Variants in ZFC3H1 observed in about 807,000 individuals in gnomAD.
ZFC3H1 encodes zinc finger C3H1 domain-containing protein.
Under a neutral mutation model 243.7 loss-of-function variants are expected in ZFC3H1, and 71 were observed. The ratio of observed to expected loss-of-function variants is 0.29; its 90% CI spans 0.24 to 0.36. ZFC3H1 has a LOEUF of 0.36. Among genes scored for constraint, ZFC3H1 ranks in the 10% least tolerant of loss-of-function variants. ZFC3H1 has a pLI of 1.00. For missense variants in ZFC3H1, 1,966 were observed against 2,317.1 expected (o/e 0.85, Z 3.11); for synonymous variants, 838 against 813.0 (o/e 1.03, Z -0.52).
At chr12:71,642,603 T>C in intron 5 of ZFC3H1, 44 bp from the exon 6 acceptor site, 1 of 1,570,860 alleles carries the variant, frequency 6.4e-7, no homozygotes, top group Non-Finnish European at 8.6e-7. Flanking sequence ...TTTTCTGTCT[T>C]GGGTTACAAA....
At chr12:71,615,954 A>T (rs953053660) in intron 27 of ZFC3H1, among the ~76,000 whole-genome samples, 1 of 152,214 alleles carries the variant, frequency 6.6e-6, no homozygotes, top group Non-Finnish European at 1.5e-5. Flanking sequence ...TCTACCAAGT[A>T]TCTGAAATTT....
chr12:71,634,090 T>C, intron 12 of ZFC3H1, 65 bp downstream of exon 12: 1 of 1,496,230 alleles, frequency 6.7e-7, no homozygotes, highest in Non-Finnish European at 9.0e-7. Flanking sequence ...ATTAATAACA[T>C]ACACCACAAA....
At chr12:71,639,225 C>T (rs1238369023) in intron 6 of ZFC3H1, 1 of 153,494 alleles carries the variant, frequency 6.5e-6, no homozygotes, top group Non-Finnish European at 1.4e-5. Context: ...ACTATATAAT[C>T]AGAGAAAATC....
chr12:71,647,924 C>T, intron 2 of ZFC3H1, 111 bp from the exon 3 acceptor site: 1 of 415,828 alleles, frequency 2.4e-6, no homozygotes, highest in South Asian at 5.1e-5. Context: ...ATTAAAGGGT[C>T]TCATTTTCTC....
At chr12:71,619,597 A>T (rs764784465) in intron 26 of ZFC3H1, among the ~76,000 whole-genome samples, 188 bp from the exon 27 acceptor site, 14 of 152,220 alleles carry the variant, frequency 9.2e-5, no homozygotes, top group Non-Finnish European at 1.0e-4. Context: ...ATTAAGTTCA[A>T]CTAATGATTA....
At chr12:71,615,176 T>G in intron 28 of ZFC3H1, 30 bp downstream of exon 28, 2 of 1,506,278 alleles carry the variant, frequency 1.3e-6, no homozygotes, top group Admixed American at 1.8e-5. Flanking sequence ...AGGCCTAGTA[T>G]GCAATATCTC....
rs982348200 is a variant in ZFC3H1 at position 71,633,020 on chromosome 12, G to A, written c.2686-3C>T. 3 of 1,589,018 alleles carry A rather than the reference G, an allele frequency of 1.9e-6. No individual in the cohort carries two copies. Among genetic ancestry groups the A allele is most frequent in the East Asian group, 2.3e-5 (1 of 44,304 alleles). On this transcript the variant is annotated splice_region_variant and splice_polypyrimidine_tract_variant and intron_variant, in intron 13 of 34. Transcript: ENST00000378743. ...ACACGCTGTTGAACTCTGTGAATCT[G>A]AAAAATATAGAATAATCCTGAAAAT...
chr12:71,632,811 T>C (rs542446550), intron 14 of ZFC3H1, 75 bp downstream of exon 14: 100 of 1,558,892 alleles, frequency 6.4e-5, no homozygotes, highest in Non-Finnish European at 8.3e-5. Flanking sequence ...TTACTTTATA[T>C]ATACATCTTA....
At chr12:71,646,124 TACTA>T (rs1171854095) in intron 3 of ZFC3H1, among the ~76,000 whole-genome samples, 3 of 152,338 alleles carry the variant, frequency 2.0e-5, no homozygotes, top group Middle Eastern at 3.4e-3. Flanking sequence ...AAACAGTGGA[TACTA>T]ACTAATGATT....
chr12:71,621,590 G>C (rs1400788001), intron 24 of ZFC3H1, among the ~76,000 whole-genome samples: 1 of 152,018 alleles, frequency 6.6e-6, no homozygotes, highest in South Asian at 2.1e-4. Flanking sequence ...ACAGATGTGA[G>C]GCACCACGCA....
chr12:71,660,669 C>T (rs571975498), intron 1 of ZFC3H1, among the ~76,000 whole-genome samples: 1 of 152,208 alleles, frequency 6.6e-6, no homozygotes, highest in Non-Finnish European at 1.5e-5. Flanking sequence ...TCCCCCTTTT[C>T]TAATACAGAA....
Position 71,620,014 on chromosome 12 carries a change from T to C in ZFC3H1, c.4961A>G (p.Lys1654Arg), listed in dbSNP as rs142055199. ...TGCAGTAAGCCACACTGCTCTGGCT[T>C]TGTCATGCTGATTTGTTTGCAAATA... ...ALYLQTNQHD[K>R]ARAVWLTAFE... Residue 1654 changes from lysine (K) to arginine (R), a missense_variant, in exon 26 of 35, where the codon AAA (lysine) becomes AGA (arginine). Transcript: ENST00000378743. 1.4e-5 allele frequency: 22 copies of C among 1,613,696 alleles called. 1 individual carries two copies. In the African/African-American group the frequency reaches 2.4e-4, roughly 18 times the overall value.
rs1297965222 is a variant in ZFC3H1, at chr12:71,663,203, C to A, written c.408G>T (p.Arg136=). 4 of 1,614,082 alleles carry A rather than the reference C, an allele frequency of 2.5e-6. No homozygotes were observed. Among genetic ancestry groups the A allele is most frequent in the Non-Finnish European group, 2.5e-6 (3 of 1,180,034 alleles). Residue 136 remains arginine, a synonymous_variant, in exon 1 of 35, where the codon CGG becomes CGT. Coordinates refer to ENST00000378743, the MANE Select transcript of ZFC3H1 (RefSeq NM_144982.5). ...GGAAACGGTCCAAGGCGAGGTGGCTCCGCTCCCAGAAAGACGGCCGGGGAC... is the reference window on the plus strand; with the variant it reads ...GGAAACGGTCCAAGGCGAGGTGGCTACGCTCCCAGAAAGACGGCCGGGGAC... The part of the protein sequence containing the change: ...ESSPRPSFWE[R]SHLALDRFRF...
chr12:71,640,482 G>A (rs2137544192), intron 6 of ZFC3H1, among the ~76,000 whole-genome samples: 1 of 152,386 alleles, frequency 6.6e-6, no homozygotes, highest in African/African-American at 2.4e-5. Flanking sequence ...GGTTGGAACA[G>A]AGGTGCAGAT....
In ZFC3H1 at chr12:71,624,266, T is replaced by C. The variant is rs762863445; in HGVS notation, c.4344A>G (p.Glu1448=). ...WTFLHLESTF[E]EKDYVCERML... Reference sequence around the variant, plus strand: ...TTCTCTCACATACGTAATCCTTTTCTTCAAAGGTACTTTCTAGGTGTAGAA... The same window carrying C: ...TTCTCTCACATACGTAATCCTTTTCCTCAAAGGTACTTTCTAGGTGTAGAA... Residue 1448 remains glutamate (E), a synonymous_variant, in exon 23 of 35, where the codon GAA becomes GAG. Transcript: ENST00000378743. The C allele has an allele frequency of 6.2e-7, 1 of 1,612,496 alleles. No homozygotes were observed. The highest frequency in any genetic ancestry group is 1.1e-5 in the South Asian group (1 of 90,922).
At chr12:71,643,956 G>T in intron 5 of ZFC3H1, 139 bp downstream of exon 5, 1 of 722,788 alleles carries the variant, frequency 1.4e-6, no homozygotes, top group Non-Finnish European at 2.2e-6. Flanking sequence ...TATAAAAGAT[G>T]CTTTCCCAAT....
chr12:71,658,375 G>A (rs1436933918), intron 1 of ZFC3H1, among the ~76,000 whole-genome samples: 3 of 135,634 alleles, frequency 2.2e-5, no homozygotes, highest in East Asian at 2.4e-4. Flanking sequence ...TGCAACCTCC[G>A]TCTCCCAGGC....
At position 71,626,209 on chromosome 12, in the gene ZFC3H1, T is replaced by TAA. The variant is rs1555179425; in HGVS notation, c.4317+50_4317+51insTT. On this transcript the variant is annotated intron_variant, in intron 22 of 34. Coordinates refer to ENST00000378743, the MANE Select transcript of ZFC3H1 (RefSeq NM_144982.5). The stretch of plus-strand genomic sequence containing the variant: ...ATTTTTAAGATGATCCAAATAATTA[T>TAA]ACACACACACACACACACACACACA... 5 of 1,089,476 alleles carry TAA rather than the reference T, an allele frequency of 4.6e-6. No homozygotes were observed. The African/African-American group carries it at 6.0e-5, about 13-fold the overall frequency. The allele number at this position is 1,089,476 out of a possible 1,614,324, so 67.5% of individuals were successfully genotyped here.
Position 71,657,397 on chromosome 12 carries a change from A to G in ZFC3H1, c.599-96T>C, listed in dbSNP as rs1338424493. 4.3e-6 allele frequency: 4 copies of G among 933,460 alleles called. No individual in the cohort carries two copies. The East Asian group carries it at 1.1e-4, about 26-fold the overall frequency. The allele number at this position is 933,460 out of a possible 1,614,324, so 57.8% of individuals were successfully genotyped here. A position where few individuals can be genotyped will look rare whatever the true frequency, so the allele number is the denominator to read the frequency against. The stretch of plus-strand genomic sequence containing the variant: ...TATAGATGAATTTTCTCCCTTTTTA[A>G]TTTTTCAAGAAAAATGAATCGATAT... On this transcript the variant is annotated intron_variant, in intron 1 of 34. Coordinates refer to ENST00000378743, the MANE Select transcript of ZFC3H1 (RefSeq NM_144982.5).
Sources: allele counts gnomAD v4.1 joint callset (sites outside exome capture counted in the v4.1 genomes callset), GRCh38; gene constraint gnomAD v4.1.1; transcripts MANE v1.5; gene names NCBI Gene and HGNC (gene_info 2026-07-23, HGNC 2026-07-21).